Variants in SERPINE2 observed in about 807,000 individuals in gnomAD.
SERPINE2 encodes glia-derived nexin.
A neutral mutation model predicts 36.3 loss-of-function variants in SERPINE2; 14 were observed. The ratio of observed to expected loss-of-function variants is 0.39; its 90% CI spans 0.25 to 0.60. SERPINE2 has a LOEUF of 0.60. Ranked by LOEUF, SERPINE2 falls within the 20% of genes least tolerant of loss-of-function variation. The pLI, the probability that SERPINE2 is intolerant of heterozygous loss-of-function variation, is 0.57. For synonymous variants in SERPINE2, 192 were observed against 191.8 expected (o/e 1.00, Z -0.01); for missense variants, 418 against 499.6 (o/e 0.84, Z 1.56).
At chr2:224,011,477 T>C (rs1457403923) in intron 1 of SERPINE2, among the ~76,000 whole-genome samples, 1 of 152,228 alleles carries the variant, frequency 6.6e-6, no homozygotes, top group Non-Finnish European at 1.5e-5. Context: ...AGAAATCATA[T>C]TTTGAGATAT....
chr2:223,982,852 G>T, intron 5 of SERPINE2, 71 bp from the exon 6 acceptor site: 1 of 1,040,898 alleles, frequency 9.6e-7, no homozygotes, highest in Non-Finnish European at 1.4e-6. Flanking sequence ...GTCGGTGCAT[G>T]TTTACAAACT....
At chr2:224,036,495 T>G (rs1423310122) in intron 1 of SERPINE2, among the ~76,000 whole-genome samples, 109 of 130,126 alleles carry the variant, frequency 8.4e-4, no homozygotes, top group South Asian at 1.4e-3. Flanking sequence ...GGGCGGGGAG[T>G]GAGGTAGGGG....
At chr2:224,009,416 C>T (rs1033032212) in intron 1 of SERPINE2, among the ~76,000 whole-genome samples, 3 of 152,100 alleles carry the variant, frequency 2.0e-5, no homozygotes, top group East Asian at 3.9e-4. Context: ...ATGTACAGGC[C>T]GGGCACGGTG....
At chr2:224,009,217 C>T (rs1559211465) in intron 1 of SERPINE2, among the ~76,000 whole-genome samples, 1 of 152,150 alleles carries the variant, frequency 6.6e-6, no homozygotes, top group Non-Finnish European at 1.5e-5. Flanking sequence ...AAGCTGACAC[C>T]TTCTCAGGCA....
At chr2:223,980,920 G>C (rs1445346265) in intron 6 of SERPINE2, 2 of 153,408 alleles carry the variant, frequency 1.3e-5, no homozygotes, top group Non-Finnish European at 1.5e-5. Flanking sequence ...ATGCTAGTAA[G>C]AGAAGAGTGT....
chr2:223,994,581 TGA>T (rs976133222), intron 3 of SERPINE2, among the ~76,000 whole-genome samples: 6 of 152,132 alleles, frequency 3.9e-5, no homozygotes, highest in African/African-American at 1.4e-4. Context: ...AAACTACGAA[TGA>T]GAGAGAGGTG....
At chr2:224,005,457 G>C (rs78513706) in intron 1 of SERPINE2, among the ~76,000 whole-genome samples, 1 of 152,050 alleles carries the variant, frequency 6.6e-6, no homozygotes, top group Non-Finnish European at 1.5e-5. Context: ...ATGCTCACTC[G>C]TCTAAACTCA....
At chr2:224,032,393 C>T (rs181604213) in intron 1 of SERPINE2, among the ~76,000 whole-genome samples, 64 of 152,210 alleles carry the variant, frequency 4.2e-4, no homozygotes, top group Middle Eastern at 3.4e-3. Context: ...GCTGGAACTA[C>T]ATGGAGGGCG....
intron 2 of SERPINE2, among the ~76,000 whole-genome samples, chr2:223,999,346 C>A (rs773484680): frequency 5.3e-5 from 8 of 152,196 alleles, no homozygotes; most frequent in Non-Finnish European, 1.2e-4. Context: ...GCTCAAATTA[C>A]AGATCCTTCT....
At chr2:224,035,352 G>A (rs934398053) in intron 1 of SERPINE2, among the ~76,000 whole-genome samples, 23 of 151,742 alleles carry the variant, frequency 1.5e-4, no homozygotes, top group African/African-American at 5.6e-4. Flanking sequence ...ACATGGGAAT[G>A]TAAGCTTCCT....
At chr2:223,983,689 T>G (rs955869117) in intron 5 of SERPINE2, among the ~76,000 whole-genome samples, 1 of 53,786 alleles carries the variant, frequency 1.9e-5, no homozygotes, top group Non-Finnish European at 4.7e-5. Context: ...TATATGGAGA[T>G]ATATGCACAC....
chr2:224,008,752 C>G (rs1453957469), intron 1 of SERPINE2, among the ~76,000 whole-genome samples: 1 of 152,184 alleles, frequency 6.6e-6, no homozygotes, highest in East Asian at 1.9e-4. Context: ...CTAATAAACC[C>G]TAAATGTTTT....
At chr2:223,983,831 A>C (rs749761134) in intron 5 of SERPINE2, among the ~76,000 whole-genome samples, 1 of 151,546 alleles carries the variant, frequency 6.6e-6, no homozygotes, top group East Asian at 2.0e-4. Flanking sequence ...GAAGAGCACT[A>C]AGGAGACGTG....
At chr2:223,987,595 C>T (rs532950109) in intron 4 of SERPINE2, among the ~76,000 whole-genome samples, 10 of 152,150 alleles carry the variant, frequency 6.6e-5, no homozygotes, top group Admixed American at 2.0e-4. Context: ...TGAAAAGGAG[C>T]GGAGGTGAAA....
At chr2:223,998,042 C>G in intron 3 of SERPINE2, 73 bp downstream of exon 3, 1 of 1,273,570 alleles carries the variant, frequency 7.9e-7, no homozygotes, top group Non-Finnish European at 1.1e-6. Flanking sequence ...GCAGACACCA[C>G]TTTGAACCCT....
intron 1 of SERPINE2, among the ~76,000 whole-genome samples, chr2:224,017,834 C>T (rs188415769): frequency 5.9e-5 from 9 of 152,298 alleles, no homozygotes; most frequent in East Asian, 1.9e-4. Context: ...ACCATCATCA[C>T]GAAGGCCTGG....
chr2:224,036,111 C>T (rs569497071), intron 1 of SERPINE2, among the ~76,000 whole-genome samples: 19 of 152,136 alleles, frequency 1.2e-4, no homozygotes, highest in South Asian at 2.1e-4. Context: ...CACGGGTAAG[C>T]GCACCAGACT....
intron 1 of SERPINE2, among the ~76,000 whole-genome samples, chr2:224,006,420 TAGC>T (rs1691426850): frequency 6.6e-6 from 1 of 152,224 alleles, no homozygotes; most frequent in East Asian, 1.9e-4. Context: ...AGCCTCCACC[TAGC>T]AACAGTGACA....
chr2:223,983,760 G>GTGTT (rs1553542794), intron 5 of SERPINE2, among the ~76,000 whole-genome samples: 32 of 87,332 alleles, frequency 3.7e-4, no homozygotes, highest in South Asian at 6.0e-4. Flanking sequence ...GTGTGTGTGT[G>GTGTT]TGTGTAAATG....
Sources: allele counts gnomAD v4.1 joint callset (sites outside exome capture counted in the v4.1 genomes callset), GRCh38; gene constraint gnomAD v4.1.1; transcripts MANE v1.5; gene names NCBI Gene and HGNC (gene_info 2026-07-23, HGNC 2026-07-21).